CNTN4: variants seen among roughly 807,000 people sequenced by gnomAD.
The protein encoded by CNTN4 is contactin-4.
In CNTN4, 77 loss-of-function variants were observed where a neutral mutation model predicts 122.5. The ratio of observed to expected loss-of-function variants is 0.63; its 90% CI spans 0.52 to 0.76. CNTN4 has a LOEUF of 0.76. Among genes scored for constraint, CNTN4 ranks in the 30% least tolerant of loss-of-function variants. CNTN4 has a pLI of 0.00. For synonymous variants in CNTN4, 512 were observed against 447.0 expected, an observed-to-expected ratio of 1.15 and a Z score of -1.83; for missense variants, 1,256 against 1,259.1, an observed-to-expected ratio of 1.00 and a Z score of 0.04.
intron 20 of CNTN4, chr3:3,041,204 TC>T (rs1256313614): frequency 6.6e-6 from 1 of 152,210 alleles, no homozygotes; most frequent in Non-Finnish European, 1.5e-5. Context: ...AATAACTTAT[TC>T]CCAATCAGAG....
chr3:2,141,731 C>T (rs2125338071), intron 2 of CNTN4, among the ~76,000 whole-genome samples: 1 of 152,160 alleles, frequency 6.6e-6, no homozygotes, highest in East Asian at 1.9e-4. Context: ...TACATAATCA[C>T]ACTTTCACTG....
intron 4 of CNTN4, among the ~76,000 whole-genome samples, chr3:2,701,612 T>A (rs1463570139): frequency 2.0e-5 from 3 of 152,274 alleles, no homozygotes; most frequent in East Asian, 1.9e-4. Flanking sequence ...CGTAGCATTT[T>A]CACAAATGCT....
intron 6 of CNTN4, among the ~76,000 whole-genome samples, chr3:2,797,552 C>G (rs753468706): frequency 3.3e-5 from 5 of 152,100 alleles, no homozygotes; most frequent in Non-Finnish European, 7.3e-5. Flanking sequence ...GAGCCGAGAT[C>G]GCGCCACTGC....
Position 2,818,743 on chromosome 3 carries a change from A to C in CNTN4, c.359-743A>C, listed in dbSNP as rs890520445. ...TGATCTTTGGGTTTATAAATGTCTT[A>C]TCTCTCTAACCAGACTTGACCTTTT... is the stretch of plus-strand genomic sequence containing the variant. On this transcript the variant is annotated intron_variant, in intron 6 of 24. Coordinates refer to ENST00000418658, the MANE Select transcript of CNTN4 (RefSeq NM_175607.3). Among the ~76,000 whole-genome samples the C allele has an allele frequency of 3.9e-5, 6 of 152,314 alleles. No individual in the cohort carries two copies. The East Asian group carries it at 1.2e-3, about 29-fold the overall frequency.
chr3:2,943,656 G>T (rs1352947643), intron 13 of CNTN4, among the ~76,000 whole-genome samples: 12 of 129,506 alleles, frequency 9.3e-5, no homozygotes, highest in Non-Finnish European at 1.6e-4. Context: ...ACGGAGTCTT[G>T]CTCTGTCATC....
At chr3:2,744,528 G>A (rs1480810694) in intron 5 of CNTN4, among the ~76,000 whole-genome samples, 3 of 152,176 alleles carry the variant, frequency 2.0e-5, no homozygotes, top group Non-Finnish European at 4.4e-5. Flanking sequence ...ATGCTGCTGT[G>A]ATACTCTTGG....
At chr3:2,705,645 A>G (rs1433624724) in intron 4 of CNTN4, among the ~76,000 whole-genome samples, 1 of 85,188 alleles carries the variant, frequency 1.2e-5, no homozygotes, top group Non-Finnish European at 2.0e-5. Flanking sequence ...TATATTATAT[A>G]TAAAAAGTAT....
intron 3 of CNTN4, among the ~76,000 whole-genome samples, chr3:2,346,727 ATCTG>A (rs893541811): frequency 1.3e-5 from 2 of 152,064 alleles, no homozygotes; most frequent in African/African-American, 2.4e-5. Flanking sequence ...TATGTATGTG[ATCTG>A]TCTTTTTCTT....
Position 2,507,071 on chromosome 3 carries a change from G to A in CNTN4, c.-88-64345G>A, listed in dbSNP as rs544896722. Among the ~76,000 whole-genome samples the A allele has an allele frequency of 3.9e-5, 6 of 152,254 alleles. No individual in the cohort carries two copies. In the East Asian group the frequency reaches 9.7e-4, roughly 25 times the overall value. On this transcript the variant is annotated intron_variant, in intron 3 of 24. Coordinates refer to ENST00000418658, the MANE Select transcript of CNTN4 (RefSeq NM_175607.3). Reference sequence around the variant, plus strand: ...CTGAAACGTCTAAAATAACTTCCAAGGCAAAACAGTTTAGTACAGCTACTG... The same window carrying A: ...CTGAAACGTCTAAAATAACTTCCAAAGCAAAACAGTTTAGTACAGCTACTG...
intron 2 of CNTN4, among the ~76,000 whole-genome samples, chr3:2,331,700 A>G (rs780981521): frequency 3.9e-5 from 6 of 152,102 alleles, no homozygotes; most frequent in Non-Finnish European, 8.8e-5. Context: ...TTCCTTGTCT[A>G]TGAGGAACAT....
At chr3:2,989,547 A>G (rs1216703392) in intron 14 of CNTN4, among the ~76,000 whole-genome samples, 1 of 152,236 alleles carries the variant, frequency 6.6e-6, no homozygotes, top group Non-Finnish European at 1.5e-5. Context: ...GGGTCATTAG[A>G]AGTTGGAAAT....
At chr3:2,530,737 A>G (rs898392469) in intron 3 of CNTN4, among the ~76,000 whole-genome samples, 1 of 152,150 alleles carries the variant, frequency 6.6e-6, no homozygotes, top group Non-Finnish European at 1.5e-5. Flanking sequence ...GAGAACACTT[A>G]TGTAGCCAGA....
Position 2,108,183 on chromosome 3 carries a change from T to TTC in CNTN4, c.-145+7544_-145+7545insTC, listed in dbSNP as rs760932599. Among the ~76,000 whole-genome samples the TTC allele has an allele frequency of 7.6e-3, 1,045 of 137,818 alleles. 4 individuals carry two copies. The highest frequency in any genetic ancestry group is 8.8e-3 in the Admixed American group (116 of 13,226). The allele number at this position is 137,818 out of a possible 152,430, so 90.4% of individuals were successfully genotyped here. ...GCCTTTTCTTTTTTTTTTTTTTTTT[T>TTC]CATGACTGTTTACATTGCCTCTCTC... On this transcript the variant is annotated intron_variant, in intron 2 of 24. Coordinates refer to ENST00000418658, the MANE Select transcript of CNTN4 (RefSeq NM_175607.3).
At chr3:3,055,667 A>C (rs1160218584) in intron 24 of CNTN4, among the ~76,000 whole-genome samples, 1 of 152,174 alleles carries the variant, frequency 6.6e-6, no homozygotes, top group Admixed American at 6.5e-5. Context: ...AAGTTACTTT[A>C]TTTCTCTGGG....
chr3:2,509,212 G>T (rs2076816947), intron 3 of CNTN4, among the ~76,000 whole-genome samples: 1 of 152,172 alleles, frequency 6.6e-6, no homozygotes, highest in African/African-American at 2.4e-5. Context: ...GTGCACAATT[G>T]CTATTTAATT....
At chr3:2,653,244 G>C (rs2083445432) in intron 4 of CNTN4, among the ~76,000 whole-genome samples, 2 of 151,914 alleles carry the variant, frequency 1.3e-5, no homozygotes, top group Non-Finnish European at 2.9e-5. Context: ...TAATCATTAA[G>C]TTATATTACA....
chr3:2,963,072 T>G (rs2094878076), intron 13 of CNTN4, among the ~76,000 whole-genome samples: 1 of 152,178 alleles, frequency 6.6e-6, no homozygotes, highest in Non-Finnish European at 1.5e-5. Flanking sequence ...TATGTTCATG[T>G]TTTTGGCACT....
chr3:2,348,756 A>G (rs2044498132), intron 3 of CNTN4, among the ~76,000 whole-genome samples: 1 of 152,170 alleles, frequency 6.6e-6, no homozygotes, highest in South Asian at 2.1e-4. Context: ...TGCATTATCC[A>G]CAATGCTCTT....
At chr3:2,151,059 G>T (rs1464087360) in intron 2 of CNTN4, among the ~76,000 whole-genome samples, 1 of 152,084 alleles carries the variant, frequency 6.6e-6, no homozygotes, top group Non-Finnish European at 1.5e-5. Context: ...ACAATAGCTA[G>T]TAAGCAAGTA....
Sources: gnomAD v4.1 joint callset for allele counts (sites outside exome capture counted in the v4.1 genomes callset) on GRCh38, gnomAD v4.1.1 for gene constraint, MANE v1.5 for transcripts, NCBI Gene and HGNC (gene_info 2026-07-23, HGNC 2026-07-21) for gene names.